ADGRA1: variants seen among roughly 807,000 people sequenced by gnomAD.
ADGRA1 encodes the protein adhesion G protein-coupled receptor A1.
ADGRA1 carries 12 observed loss-of-function variants against 21.3 expected under a neutral mutation model. That is an observed-to-expected ratio of 0.56 (90% CI 0.36 to 0.91). The LOEUF (loss-of-function observed/expected upper bound fraction) is 0.91. Among genes scored for constraint, ADGRA1 ranks in the 40% least tolerant of loss-of-function variants. The pLI is 0.01. For missense variants in ADGRA1, 790 were observed against 805.6 expected, an observed-to-expected ratio of 0.98 and a Z score of 0.23; for synonymous variants, 385 against 368.8, an observed-to-expected ratio of 1.04 and a Z score of -0.50.
Position 133,102,405 on chromosome 10 carries a change from G to A in ADGRA1, c.256-292G>A, listed in dbSNP as rs569095219. The stretch of plus-strand genomic sequence containing the variant: ...GTGCCTGGGCCACAGGGACCACAGC[G>A]GGTTGTGCATGCAGAGGGGCGTGAG... On this transcript the variant is annotated intron_variant, in intron 4 of 6. Transcript: ENST00000392607. The A allele has an allele frequency of 6.9e-5, 38 of 553,974 alleles. No individual in the cohort carries two copies. The East Asian group carries it at 9.0e-4, about 13-fold the overall frequency. The allele number at this position is 553,974 out of a possible 1,614,324, so 34.3% of individuals were successfully genotyped here.
intron 3 of ADGRA1, 132 bp from the exon 4 acceptor site, chr10:133,098,508 C>T (rs532157326): frequency 2.0e-5 from 22 of 1,103,722 alleles, no homozygotes; most frequent in East Asian, 1.6e-4. Context: ...ACCGGGTCCT[C>T]GGACAGCTGC....
At chr10:133,113,443 G>C (rs1162214498) in intron 5 of ADGRA1, among the ~76,000 whole-genome samples, 1 of 152,208 alleles carries the variant, frequency 6.6e-6, no homozygotes, top group Non-Finnish European at 1.5e-5. Context: ...TGATTTCCTG[G>C]GGCTCCTTCA....
chr10:133,093,096 T>C (rs372855037), intron 2 of ADGRA1: 1 of 1,596,574 alleles, frequency 6.3e-7, no homozygotes, highest in African/African-American at 1.3e-5. Flanking sequence ...GCTGCAGACC[T>C]AGCCCCGGAC....
At chr10:133,127,033 C>A (rs536174038) in intron 5 of ADGRA1, among the ~76,000 whole-genome samples, 200 bp from the exon 6 acceptor site, 1 of 144,268 alleles carries the variant, frequency 6.9e-6, no homozygotes, top group Non-Finnish European at 1.5e-5. Context: ...CGCAGAGGCC[C>A]GCGGGAGGCC....
At chr10:133,127,417 GC>G in intron 6 of ADGRA1, 86 bp downstream of exon 6, 1 of 1,048,126 alleles carries the variant, frequency 9.5e-7, no homozygotes, top group Non-Finnish European at 1.4e-6. Flanking sequence ...TGGTGGGGAA[GC>G]CCAGGACGAA....
At chr10:133,110,932 C>T (rs1253190568) in intron 5 of ADGRA1, among the ~76,000 whole-genome samples, 1 of 152,128 alleles carries the variant, frequency 6.6e-6, no homozygotes, top group Non-Finnish European at 1.5e-5. Flanking sequence ...ATCCCAGGTC[C>T]CCAAGCACCT....
Position 133,129,332 on chromosome 10 carries a change from A to G in ADGRA1, c.1504A>G (p.Arg502Gly). 6.4e-7 allele frequency: 1 copy of G among 1,571,680 alleles called. No individual in the cohort carries two copies. Among genetic ancestry groups the G allele is most frequent in the Non-Finnish European group, 8.6e-7 (1 of 1,160,106 alleles). ...ALYSCPTQPG[R>G]EAALGPGHLE... ...CTACAGCTGCCCCACGCAGCCGGGCAGGGAGGCAGCGCTCGGGCCCGGCCA... is the reference window on the plus strand; with the variant it reads ...CTACAGCTGCCCCACGCAGCCGGGCGGGGAGGCAGCGCTCGGGCCCGGCCA... Residue 502 changes from arginine to glycine, a missense_variant, in exon 7 of 7, where the codon AGG (arginine) becomes GGG (glycine). By Grantham distance (125) the Arg-to-Gly change is moderately radical. This residue lies in a region of ADGRA1 where 391 missense variants were observed against 351.5 expected (regional missense o/e 1.11). Coordinates refer to ENST00000392607, the MANE Select transcript of ADGRA1 (RefSeq NM_001083909.3).
intron 5 of ADGRA1, among the ~76,000 whole-genome samples, chr10:133,121,804 A>T (rs1443336726): frequency 8.3e-6 from 1 of 120,728 alleles, no homozygotes; most frequent in African/African-American, 3.4e-5. Flanking sequence ...TGTGTGTGTG[A>T]GTGTGCTTGT....
intron 5 of ADGRA1, among the ~76,000 whole-genome samples, chr10:133,106,012 G>A (rs1356110971): frequency 1.3e-5 from 2 of 152,238 alleles, no homozygotes; most frequent in African/African-American, 2.4e-5. Flanking sequence ...GTCCCAGCAT[G>A]AGCCCCCCAT....
Position 133,112,393 on chromosome 10 carries a change from C to CGGGCTATGTCGGTTATTTGGGGTCTAT in ADGRA1, c.401+9555_401+9556insTATGTCGGTTATTTGGGGTCTATGGGC, listed in dbSNP as rs1564850055. ...GGCCGTGTCGGTTATTTGGGGTCTACGGGCCGCGTCCGTTATTTGGGGTCT... is the reference window on the plus strand; with the variant it reads ...GGCCGTGTCGGTTATTTGGGGTCTACGGGCTATGTCGGTTATTTGGGGTCTATGGGCCGCGTCCGTTATTTGGGGTCT... On this transcript the variant is annotated intron_variant, in intron 5 of 6. Transcript: ENST00000392607. 5.4e-4 allele frequency among the ~76,000 whole-genome samples: 72 copies of CGGGCTATGTCGGTTATTTGGGGTCTAT among 132,984 alleles called. No homozygotes were observed. The South Asian group carries it at 8.7e-3, about 16-fold the overall frequency. 87.2% of individuals were successfully genotyped at this position (132,984 alleles called of 152,430 possible).
intron 5 of ADGRA1, among the ~76,000 whole-genome samples, chr10:133,114,995 C>T (rs1852130126): frequency 6.6e-6 from 1 of 152,224 alleles, no homozygotes; most frequent in Admixed American, 6.5e-5. Context: ...CGAAGGCCCC[C>T]AGGGGCCGCA....
chr10:133,119,607 G>A (rs949997977), intron 5 of ADGRA1, among the ~76,000 whole-genome samples: 1 of 152,122 alleles, frequency 6.6e-6, no homozygotes, highest in East Asian at 1.9e-4. Context: ...TAATGTCCAC[G>A]GCATCTTCAC....
Position 133,116,595 on chromosome 10 carries a change from T to C in ADGRA1, c.402-10638T>C, listed in dbSNP as rs542063576. On this transcript the variant is annotated intron_variant, in intron 5 of 6. Coordinates refer to ENST00000392607, the MANE Select transcript of ADGRA1 (RefSeq NM_001083909.3). ...ACCCAACCCACCCACAGGCGTCCTC[T>C]CCCCCCAGGTGTGGCAGGGCCTCTC... 8.7e-5 allele frequency among the ~76,000 whole-genome samples: 13 copies of C among 149,358 alleles called. No homozygotes were observed. The East Asian group carries it at 2.6e-3, about 30-fold the overall frequency.
chr10:133,111,931 G>C (rs145535042), intron 5 of ADGRA1, among the ~76,000 whole-genome samples: 7 of 10,544 alleles, frequency 6.6e-4, no homozygotes, highest in Admixed American at 2.1e-3. Flanking sequence ...CCTGCCCGCC[G>C]TGAGCACCTC....
chr10:133,125,014 GAC>G (rs1202947926), intron 5 of ADGRA1, among the ~76,000 whole-genome samples: 1 of 152,254 alleles, frequency 6.6e-6, no homozygotes, highest in Non-Finnish European at 1.5e-5. Context: ...GTCCATCCTG[GAC>G]ACTTCTGCGT....
At chr10:133,093,214 C>T (rs1367218007) in intron 2 of ADGRA1, 1 of 1,592,050 alleles carries the variant, frequency 6.3e-7, no homozygotes, top group Non-Finnish European at 8.5e-7. Context: ...TGGCATTCCC[C>T]AGGTTTGAAG....
intron 2 of ADGRA1, among the ~76,000 whole-genome samples, chr10:133,090,157 C>A (rs1165784841): frequency 1.3e-5 from 2 of 152,256 alleles, no homozygotes; most frequent in African/African-American, 2.4e-5. Flanking sequence ...CCCTCTCATC[C>A]CCTTCCTCGC....
intron 2 of ADGRA1, among the ~76,000 whole-genome samples, chr10:133,091,747 T>G (rs990976818): frequency 6.6e-6 from 1 of 152,150 alleles, no homozygotes; most frequent in African/African-American, 2.4e-5. Context: ...CTGGTGTGTG[T>G]AGGGAGCTCC....
At chr10:133,128,128 C>T (rs529701627) in intron 6 of ADGRA1, among the ~76,000 whole-genome samples, 1 of 148,634 alleles carries the variant, frequency 6.7e-6, no homozygotes, top group African/African-American at 2.5e-5. Flanking sequence ...CTGGCTACCC[C>T]ACCTCCCAAG....
Sources: allele counts gnomAD v4.1 joint callset (sites outside exome capture counted in the v4.1 genomes callset), GRCh38; gene constraint gnomAD v4.1.1; regional missense constraint gnomAD v4.1.1; transcripts MANE v1.5; gene names NCBI Gene and HGNC (gene_info 2026-07-23, HGNC 2026-07-21).